The following PARP1 variants were observed in gnomAD, a reference collection of about 807,000 sequenced individuals.
PARP1 encodes poly(ADP-ribose) polymerase 1.
A neutral mutation model predicts 118.7 loss-of-function variants in PARP1; 44 were observed. The observed-to-expected ratio is 0.37, with a 90% CI of 0.29 to 0.48. The LOEUF (loss-of-function observed/expected upper bound fraction) is 0.48. Among genes scored for constraint, PARP1 ranks in the 20% least tolerant of loss-of-function variants. PARP1 has a pLI of 0.99. For synonymous variants in PARP1, 492 were observed against 483.2 expected (o/e 1.02, Z -0.24); for missense variants, 1,100 against 1,272.4 (o/e 0.86, Z 2.06).
chr1:226,393,665 T>C (rs900265947), intron 2 of PARP1, among the ~76,000 whole-genome samples: 6 of 152,112 alleles, frequency 3.9e-5, no homozygotes, highest in Non-Finnish European at 7.4e-5. Flanking sequence ...AATTAATCTA[T>C]GGGGATAGAA....
intron 17 of PARP1, chr1:226,367,030 T>G: frequency 3.7e-6 from 1 of 268,720 alleles, no homozygotes; most frequent in Non-Finnish European, 7.2e-6. Context: ...CAGAGAAAAA[T>G]GAACGCAAGC....
At chr1:226,381,777 C>CTTCTGTTCA (rs1664614501) in intron 8 of PARP1, among the ~76,000 whole-genome samples, 2 of 152,210 alleles carry the variant, frequency 1.3e-5, no homozygotes, top group African/African-American at 2.4e-5. Context: ...AGGGGTGTGC[C>CTTCTGTTCA]TTCTGTTCAC....
chr1:226,381,853 T>C (rs1472533467), intron 8 of PARP1, among the ~76,000 whole-genome samples: 1 of 152,212 alleles, frequency 6.6e-6, no homozygotes, highest in Non-Finnish European at 1.5e-5. Context: ...AAGTCCTTCC[T>C]GCCTTCCCTG....
chr1:226,368,300 C>T lies in PARP1; in HGVS notation c.2176G>A (p.Asp726Asn), dbSNP rs748421463. ...VQQAVSQGSS[D>N]SQILDLSNRF... Reference sequence around the variant, plus strand: ...TTTGAGAGATCCAGGATCTGAGAGTCGCTGCTGCCCTGAGACACCGCCTGG... The same window carrying T: ...TTTGAGAGATCCAGGATCTGAGAGTTGCTGCTGCCCTGAGACACCGCCTGG... The change falls in exon 16 of 23, where the codon GAC becomes AAC. Residue 726 changes from aspartate (D) to asparagine (N), a missense_variant. Asp to Asn is a conservative substitution (Grantham distance 23). Transcript: ENST00000366794. The T allele has an allele frequency of 6.8e-6, 11 of 1,614,042 alleles. No homozygotes were observed. Among genetic ancestry groups the T allele is most frequent in the African/African-American group, 2.7e-5 (2 of 74,916 alleles).
intron 5 of PARP1, among the ~76,000 whole-genome samples, chr1:226,387,145 G>A (rs928614552): frequency 1.3e-5 from 2 of 152,118 alleles, no homozygotes; most frequent in Admixed American, 6.5e-5. Flanking sequence ...ACCACGCCCA[G>A]CTAATTTTTG....
At chr1:226,379,880 C>A in intron 10 of PARP1, 42 bp downstream of exon 10, 1 of 1,612,424 alleles carries the variant, frequency 6.2e-7, no homozygotes, top group South Asian at 1.1e-5. Flanking sequence ...CCACCAATGT[C>A]CCTGGCTTTT....
intron 18 of PARP1, among the ~76,000 whole-genome samples, chr1:226,365,415 ATCTATGT>A (rs1000291293): frequency 6.6e-6 from 1 of 152,248 alleles, no homozygotes; most frequent in African/African-American, 2.4e-5. Context: ...ACATCTGATA[ATCTATGT>A]TCTGAGACCA....
intron 2 of PARP1, among the ~76,000 whole-genome samples, chr1:226,397,928 A>G (rs1339328798): frequency 2.6e-5 from 4 of 152,154 alleles, no homozygotes; most frequent in Non-Finnish European, 5.9e-5. Flanking sequence ...TCTTTTCAAC[A>G]AACGGAGCTG....
intron 15 of PARP1, among the ~76,000 whole-genome samples, 164 bp downstream of exon 15, chr1:226,370,270 C>T (rs539994448): frequency 7.9e-5 from 12 of 152,188 alleles, no homozygotes; most frequent in Admixed American, 5.2e-4. Flanking sequence ...GTAGCAGGCA[C>T]TTGTCATTTA....
At chr1:226,401,870 G>A (rs1200931075) in intron 2 of PARP1, 2 of 825,072 alleles carry the variant, frequency 2.4e-6, no homozygotes, top group African/African-American at 1.7e-5. Flanking sequence ...ACTCTGGTGG[G>A]AGGTGTTGAC....
Position 226,380,141 on chromosome 1 carries a change from T to G in PARP1, c.1324A>C (p.Lys442Gln), listed in dbSNP as rs769225989. The change falls in exon 10 of 23, where the codon AAG (lysine) becomes CAG (glutamine). Residue 442 changes from lysine (K) to glutamine (Q), a missense_variant. By Grantham distance (53) the Lys-to-Gln change is moderately conservative. Transcript: ENST00000366794. The part of the protein sequence containing the change: ...TKKEVEKMNK[K>Q]MEEVKEANIR... ...TTGGCTTCCTTTACTTCCTCCATCT[T>G]CTTATTCATCTTTTCCACCTCCTCT... 4 of 1,614,154 alleles carry G rather than the reference T, an allele frequency of 2.5e-6. No homozygotes were observed. In the South Asian group the frequency reaches 4.4e-5, roughly 18 times the overall value.
chr1:226,385,013 T>C (rs1164102078), intron 7 of PARP1, among the ~76,000 whole-genome samples: 1 of 152,000 alleles, frequency 6.6e-6, no homozygotes, highest in Admixed American at 6.6e-5. Context: ...CAAAGGAGGC[T>C]CCCCATGGAG....
chr1:226,379,827 T>C (rs1421758825), intron 10 of PARP1, 95 bp downstream of exon 10: 8 of 1,585,638 alleles, frequency 5.0e-6, no homozygotes, highest in South Asian at 2.2e-5. Context: ...CAACAGGCCA[T>C]GTCAGGGACA....
At position 226,407,831 on chromosome 1, in the gene PARP1, G is replaced by C; in HGVS notation, c.99C>G (p.Leu33=). The C allele has an allele frequency of 1.3e-6, 2 of 1,585,808 alleles. No individual in the cohort carries two copies. Among genetic ancestry groups the C allele is most frequent in the African/African-American group, 2.7e-5 (2 of 74,308 alleles). Reference sequence around the variant, plus strand: ...GCACCTGCACCATGATGGCCATCCGGAGCGAGTCCTTGGGGATGCTCTCGC... The same window carrying C: ...GCACCTGCACCATGATGGCCATCCGCAGCGAGTCCTTGGGGATGCTCTCGC... ...KCSESIPKDS[L]RMAIMVQSPM... is the part of the protein sequence containing the mutation. Residue 33 remains leucine (L), a synonymous_variant, in exon 1 of 23, where the codon CTC becomes CTG. Coordinates refer to ENST00000366794, the MANE Select transcript of PARP1 (RefSeq NM_001618.4).
rs1216944456 is a variant in PARP1 at position 226,362,002 on chromosome 1, G to C, written c.2930C>G (p.Ser977Cys). 1 of 1,609,894 alleles carries C rather than the reference G, an allele frequency of 6.2e-7. No homozygotes were observed. The highest frequency in any genetic ancestry group is 8.5e-7 in the Non-Finnish European group (1 of 1,176,138). The change falls in exon 22 of 23, where the codon TCT becomes TGT. Residue 977 changes from serine to cysteine, a missense_variant. Ser to Cys is a moderately radical substitution (Grantham distance 112, BLOSUM62 -1). Coordinates refer to ENST00000366794, the MANE Select transcript of PARP1 (RefSeq NM_001618.4). Reference sequence around the variant, plus strand: ...TAGTAGAGAGGTGTCATTCACACCAGATGAAATCCCGGTCCCAAGAGGAAC... The same window carrying C: ...TAGTAGAGAGGTGTCATTCACACCACATGAAATCCCGGTCCCAAGAGGAAC... Reference protein sequence around the residue: ...VDVPLGTGISSGVNDTSLLYN... With the variant: ...VDVPLGTGISCGVNDTSLLYN...
At position 226,367,406 on chromosome 1, in the gene PARP1, C is replaced by T. The variant is rs560388452; in HGVS notation, c.2406+74G>A. 7.2e-5 allele frequency: 112 copies of T among 1,557,554 alleles called. 1 individual carries two copies. The African/African-American group carries it at 1.5e-3, about 20-fold the overall frequency. Reference sequence around the variant, plus strand: ...TAACAAGCTTTCCAGGAGATCCTAACACACATGGAAGTTTGGGACCGCTGC... The same window carrying T: ...TAACAAGCTTTCCAGGAGATCCTAATACACATGGAAGTTTGGGACCGCTGC... On this transcript the variant is annotated intron_variant, in intron 17 of 22. Transcript: ENST00000366794.
At chr1:226,402,400 G>C (rs999723719) in intron 1 of PARP1, 21 bp from the exon 2 acceptor site, 1 of 1,607,700 alleles carries the variant, frequency 6.2e-7, no homozygotes, top group African/African-American at 1.3e-5. Context: ...GAGAAACAGA[G>C]GGAAGTAAGT....
rs574371799 is a variant in PARP1 at position 226,377,267 on chromosome 1, C to T, written c.1782G>A (p.Thr594=). ...WIFRSWGRVG[T]VIGSNKLEQM... ...GTTCCAGTTTGTTGCTACCGATCAC[C>T]GTACCCACACGGCCCCAGGACCTGA... The change falls in exon 13 of 23, where the codon ACG becomes ACA. Residue 594 remains threonine, a synonymous_variant. Coordinates refer to ENST00000366794, the MANE Select transcript of PARP1 (RefSeq NM_001618.4). 47 of 1,614,050 alleles carry T rather than the reference C, an allele frequency of 2.9e-5. No homozygotes were observed. Among genetic ancestry groups the T allele is most frequent in the Non-Finnish European group, 3.5e-5 (41 of 1,179,958 alleles).
chr1:226,384,325 A>C (rs1166504456), intron 7 of PARP1, among the ~76,000 whole-genome samples: 1 of 152,274 alleles, frequency 6.6e-6, no homozygotes, highest in Admixed American at 6.5e-5. Flanking sequence ...AGGCCAGCAA[A>C]GCCGCATCAC....
Sources: allele counts gnomAD v4.1 joint callset (sites outside exome capture counted in the v4.1 genomes callset), GRCh38; gene constraint gnomAD v4.1.1; transcripts MANE v1.5; gene names NCBI Gene and HGNC (gene_info 2026-07-23, HGNC 2026-07-21).